The following PRDM16 variants were observed in gnomAD, a reference collection of about 807,000 sequenced individuals.
PRDM16 encodes the protein histone-lysine N-methyltransferase PRDM16.
PRDM16 carries 23 observed loss-of-function variants against 110.6 expected under a neutral mutation model. That is an observed-to-expected ratio of 0.21 (90% CI 0.15 to 0.29). The LOEUF is 0.29. Ranked by LOEUF, PRDM16 falls within the 10% of genes least tolerant of loss-of-function variation. The pLI, the probability that PRDM16 is intolerant of heterozygous loss-of-function variation, is 1.00. For synonymous variants in PRDM16, 799 were observed against 781.8 expected (o/e 1.02, Z -0.37); for missense variants, 1,615 against 1,794.3 (o/e 0.90, Z 1.81).
intron 3 of PRDM16, among the ~76,000 whole-genome samples, chr1:3,371,047 T>C (rs1179893699): frequency 6.6e-6 from 1 of 150,864 alleles, no homozygotes; most frequent in Non-Finnish European, 1.5e-5. Context: ...AATTTATTCA[T>C]CCATCCACCC....
Position 3,412,645 on chromosome 1 carries a change from C to T in PRDM16, c.2448C>T (p.Asn816=), listed in dbSNP as rs372189819. The T allele has an allele frequency of 4.0e-3, 6,230 of 1,548,904 alleles. 18 individuals are homozygous for T. Among genetic ancestry groups the T allele is most frequent in the Non-Finnish European group, 4.9e-3 (5,671 of 1,147,708 alleles). Reference sequence around the variant, plus strand: ...GCAGCCGGGCCCGTGCCAGCCAAAACGGCGGCGGGCGGGAGCCCCGCAAGA... The same window carrying T: ...GCAGCCGGGCCCGTGCCAGCCAAAATGGCGGCGGGCGGGAGCCCCGCAAGA... The part of the protein sequence containing the change: ...SIGSRARASQ[N]GGGREPRKNH... Residue 816 remains asparagine, a synonymous_variant, in exon 9 of 17, where the codon AAC becomes AAT. Coordinates refer to ENST00000270722, the MANE Select transcript of PRDM16 (RefSeq NM_022114.4).
chr1:3,226,131 G>A (rs1027981320), intron 2 of PRDM16, among the ~76,000 whole-genome samples: 3 of 152,232 alleles, frequency 2.0e-5, no homozygotes, highest in African/African-American at 4.8e-5. Context: ...AGGTAAGGCT[G>A]GGAGCAGCTA....
chr1:3,381,976 G>C (rs1002246200), intron 3 of PRDM16, among the ~76,000 whole-genome samples: 1 of 152,192 alleles, frequency 6.6e-6, no homozygotes, highest in African/African-American at 2.4e-5. Context: ...GGTGAGGGAG[G>C]GGGGGCCTCG....
rs1238498900 is a variant in PRDM16, at chr1:3,425,092, T to C, written c.2940-489T>C. 3.9e-5 allele frequency: 6 copies of C among 152,942 alleles called. No homozygotes were observed. Among genetic ancestry groups the C allele is most frequent in the African/African-American group, 1.5e-4 (6 of 40,766 alleles). 9.5% of individuals were successfully genotyped at this position (152,942 alleles called of 1,614,324 possible). On this transcript the variant is annotated intron_variant, in intron 12 of 16. Transcript: ENST00000270722. This position sits in a 1 kb window ranked among gnomAD's most constrained non-coding sequence, Gnocchi z 6.9. ...CCTGCTTGCTTTTTTTTTTTTTTTT[T>C]TTTGAGATGGAGTCTCGCTCTGTCG...
intron 3 of PRDM16, among the ~76,000 whole-genome samples, chr1:3,360,773 C>T (rs993677818): frequency 2.0e-5 from 3 of 152,220 alleles, no homozygotes; most frequent in Admixed American, 6.5e-5. Context: ...GTGGCCACAG[C>T]GCCCGCAGAT....
intron 3 of PRDM16, 70 bp from the exon 4 acceptor site, chr1:3,385,082 G>A: frequency 6.3e-7 from 1 of 1,578,652 alleles, no homozygotes; most frequent in South Asian, 1.1e-5. Context: ...GTTTCTGGGT[G>A]GGCAGAGGCT....
At chr1:3,431,892 C>T (rs1352532835) in intron 15 of PRDM16, 74 bp from the exon 16 acceptor site, 4 of 1,509,108 alleles carry the variant, frequency 2.7e-6, no homozygotes, top group Non-Finnish European at 3.6e-6. Flanking sequence ...CGGAGCTGGG[C>T]TTGCAGCATC....
At position 3,143,531 on chromosome 1, in the gene PRDM16, G is replaced by A. The variant is rs1169729844; in HGVS notation, c.38-42594G>A. On this transcript the variant is annotated intron_variant, in intron 1 of 16. Coordinates refer to ENST00000270722, the MANE Select transcript of PRDM16 (RefSeq NM_022114.4). The surrounding 1 kb of genome is among the most constrained non-coding windows in gnomAD (Gnocchi z 4.5). Reference sequence around the variant, plus strand: ...CTTGCTCTGTCACCCAGGCTGGAGTGCACTGGCGCAATCTCCGCTCACTGC... The same window carrying A: ...CTTGCTCTGTCACCCAGGCTGGAGTACACTGGCGCAATCTCCGCTCACTGC... Among the ~76,000 whole-genome samples the A allele has an allele frequency of 3.9e-5, 6 of 152,198 alleles. No homozygotes were observed. The East Asian group carries it at 9.6e-4, about 24-fold the overall frequency.
At chr1:3,142,645 A>G (rs981178523) in intron 1 of PRDM16, among the ~76,000 whole-genome samples, 4 of 152,176 alleles carry the variant, frequency 2.6e-5, no homozygotes, top group African/African-American at 4.8e-5. Context: ...TGCGGACCCC[A>G]GGGTGCGCAC....
At chr1:3,268,209 C>T (rs1406206158) in intron 3 of PRDM16, among the ~76,000 whole-genome samples, 1 of 151,872 alleles carries the variant, frequency 6.6e-6, no homozygotes, top group African/African-American at 2.4e-5. Flanking sequence ...CCCGGCTCGG[C>T]GCGCGTCAGA....
intron 1 of PRDM16, among the ~76,000 whole-genome samples, chr1:3,180,886 ACACGGCC>A (rs1644144523): frequency 2.6e-5 from 4 of 151,218 alleles, no homozygotes; most frequent in African/African-American, 9.8e-5. Flanking sequence ...GCAGTCTTAC[ACACGGCC>A]TCACACACGC....
intron 3 of PRDM16, among the ~76,000 whole-genome samples, chr1:3,323,561 G>A (rs914225210): frequency 4.6e-5 from 7 of 152,174 alleles, no homozygotes; most frequent in African/African-American, 1.7e-4. Context: ...AGGATCAGGG[G>A]CCCCGCCAGC....
intron 1 of PRDM16, among the ~76,000 whole-genome samples, chr1:3,150,345 CAGG>C (rs1460351368): frequency 6.9e-6 from 1 of 144,050 alleles, no homozygotes; most frequent in Non-Finnish European, 1.5e-5. Flanking sequence ...GACTTGTGGT[CAGG>C]AGTTCGAGAC....
chr1:3,385,322 T>G lies in PRDM16; in HGVS notation c.573+36T>G, dbSNP rs549714865. 6 of 1,608,888 alleles carry G rather than the reference T, an allele frequency of 3.7e-6. No homozygotes were observed. The South Asian group carries it at 6.6e-5, about 18-fold the overall frequency. ...GCTCATAACAGGGGCTTCTGCCTCT[T>G]GGAATTGTCCCTGAGGATGTGGCAC... On this transcript the variant is annotated intron_variant, in intron 4 of 16. Transcript: ENST00000270722.
At chr1:3,394,597 C>G (rs1005909795) in intron 4 of PRDM16, 4 of 365,130 alleles carry the variant, frequency 1.1e-5, no homozygotes, top group Admixed American at 5.9e-5. Flanking sequence ...CAGCCTCGCC[C>G]GCTGACCCTC....
At chr1:3,239,143 G>C (rs570460469) in intron 2 of PRDM16, among the ~76,000 whole-genome samples, 3 of 152,350 alleles carry the variant, frequency 2.0e-5, no homozygotes, top group Non-Finnish European at 4.4e-5. Context: ...AGAAAATTAA[G>C]AATGAGATTT....
At chr1:3,258,237 G>A (rs1316271070) in intron 3 of PRDM16, among the ~76,000 whole-genome samples, 2 of 152,170 alleles carry the variant, frequency 1.3e-5, no homozygotes, top group Non-Finnish European at 2.9e-5. Context: ...TGCAGATTCT[G>A]AGGAGTCCCT....
chr1:3,160,229 C>T (rs540995699), intron 1 of PRDM16, among the ~76,000 whole-genome samples: 1 of 152,278 alleles, frequency 6.6e-6, no homozygotes, highest in South Asian at 2.1e-4. Flanking sequence ...GCCCTGGTGT[C>T]GATTGAATGG....
At chr1:3,086,528 C>T (rs576455218) in intron 1 of PRDM16, among the ~76,000 whole-genome samples, 1 of 152,070 alleles carries the variant, frequency 6.6e-6, no homozygotes, top group South Asian at 2.1e-4. Flanking sequence ...CTCCTCCCTC[C>T]ACTTCTGGCC....
Sources: gnomAD v4.1 joint callset for allele counts (sites outside exome capture counted in the v4.1 genomes callset) on GRCh38, gnomAD v4.1.1 for gene constraint, Gnocchi (gnomAD v3.1) non-coding constraint, MANE v1.5 for transcripts, NCBI Gene and HGNC (gene_info 2026-07-23, HGNC 2026-07-21) for gene names.